The following ATOSB variants were observed in gnomAD, a reference collection of about 807,000 sequenced individuals.
ATOSB encodes atos homolog B, also known as atos homolog protein B.
the ATOSB span, chr9:35,105,279 T>C: frequency 6.2e-6 from 10 of 1,614,008 alleles, no homozygotes; most frequent in Non-Finnish European, 8.5e-6. This position sits in a 1 kb window ranked among gnomAD's most constrained non-coding sequence, Gnocchi z 5.5. Context: ...CTGCAGTTCG[T>C]AGGGGAGCCC....
chr9:35,105,021 A>G, the ATOSB span: 2 of 489,936 alleles, frequency 4.1e-6, no homozygotes, highest in African/African-American at 2.0e-5. This position sits in a 1 kb window ranked among gnomAD's most constrained non-coding sequence, Gnocchi z 5.5. Context: ...GGGAGGGGAC[A>G]GGCACATGGA....
chr9:35,106,484 C>T, the ATOSB span: 1 of 1,606,148 alleles, frequency 6.2e-7, no homozygotes, highest in Middle Eastern at 1.7e-4. This position sits in a 1 kb window ranked among gnomAD's most constrained non-coding sequence, Gnocchi z 4.6. Flanking sequence ...AGCCACATTC[C>T]ACCATCCCAC....
chr9:35,105,457 C>T, the ATOSB span: 1 of 1,501,128 alleles, frequency 6.7e-7, no homozygotes, highest in East Asian at 2.3e-5. The surrounding 1 kb of genome is among the most constrained non-coding windows in gnomAD (Gnocchi z 5.5). Context: ...TTTGGGAGAC[C>T]CAGGTGGGAG....
chr9:35,108,222 G>A, the ATOSB span: 2 of 1,586,356 alleles, frequency 1.3e-6, no homozygotes, highest in Non-Finnish European at 1.7e-6. Context: ...AGGCTGTGAA[G>A]GGCCAGCCTC....
At chr9:35,105,831 C>T in the ATOSB span, 1 of 1,614,152 alleles carries the variant, frequency 6.2e-7, no homozygotes, top group African/African-American at 1.3e-5. This position sits in a 1 kb window ranked among gnomAD's most constrained non-coding sequence, Gnocchi z 5.5. Flanking sequence ...ACATCTTTAC[C>T]ACAGTCTGGT....
At chr9:35,113,899 C>T in the ATOSB span, among the ~76,000 whole-genome samples, 3 of 152,230 alleles carry the variant, frequency 2.0e-5, no homozygotes, top group African/African-American at 4.8e-5. Flanking sequence ...AACAACAGGC[C>T]CTGGGCTGAG....
the ATOSB span, chr9:35,106,237 G>A: frequency 6.2e-7 from 1 of 1,613,042 alleles, no homozygotes; most frequent in Non-Finnish European, 8.5e-7. This position sits in a 1 kb window ranked among gnomAD's most constrained non-coding sequence, Gnocchi z 4.6. Flanking sequence ...CTTTGGGGTT[G>A]GAGTCAAGGC....
the ATOSB span, chr9:35,105,710 G>A: frequency 1.3e-5 from 21 of 1,613,866 alleles, no homozygotes; most frequent in South Asian, 4.4e-5. This position sits in a 1 kb window ranked among gnomAD's most constrained non-coding sequence, Gnocchi z 5.5. Flanking sequence ...CAGAGGAGGC[G>A]GTGGGTGGGG....
the ATOSB span, among the ~76,000 whole-genome samples, chr9:35,107,191 C>T: frequency 1.3e-5 from 2 of 151,786 alleles, no homozygotes; most frequent in East Asian, 1.9e-4. Flanking sequence ...GGTGCAATGT[C>T]ATGTGCCTGT....
the ATOSB span, among the ~76,000 whole-genome samples, chr9:35,112,789 G>A: frequency 6.6e-6 from 1 of 151,986 alleles, no homozygotes; most frequent in Admixed American, 6.6e-5. Flanking sequence ...CAGTTCAGAG[G>A]CCACAGAGAG....
chr9:35,106,958 A>T, the ATOSB span: 1 of 1,371,292 alleles, frequency 7.3e-7, no homozygotes, highest in Admixed American at 2.0e-5. This position sits in a 1 kb window ranked among gnomAD's most constrained non-coding sequence, Gnocchi z 4.6. Context: ...GCAGAAGCTC[A>T]TCACAAACTC....
the ATOSB span, chr9:35,106,905 T>G: frequency 6.4e-7 from 1 of 1,563,200 alleles, no homozygotes; most frequent in South Asian, 1.2e-5. This position sits in a 1 kb window ranked among gnomAD's most constrained non-coding sequence, Gnocchi z 4.6. Flanking sequence ...CGGAGAGAAA[T>G]GATTGGGAAA....
chr9:35,107,994 T>C, the ATOSB span: 2 of 1,589,552 alleles, frequency 1.3e-6, no homozygotes, highest in Non-Finnish European at 1.7e-6. Context: ...AGATGGTTCT[T>C]CAGGGGGTAG....
the ATOSB span, chr9:35,105,886 G>T: frequency 1.2e-6 from 2 of 1,613,836 alleles, no homozygotes; most frequent in Non-Finnish European, 1.7e-6. This position sits in a 1 kb window ranked among gnomAD's most constrained non-coding sequence, Gnocchi z 5.5. Context: ...AGGTTGGTAG[G>T]GCCTGAGGGC....
At chr9:35,108,333 G>C in the ATOSB span, 2 of 1,469,290 alleles carry the variant, frequency 1.4e-6, no homozygotes, top group Non-Finnish European at 1.8e-6. Flanking sequence ...GGCCTGGGCT[G>C]GGGGGCCTGG....
chr9:35,109,071 A>T, the ATOSB span: 3 of 152,190 alleles, frequency 2.0e-5, no homozygotes, highest in Non-Finnish European at 4.4e-5. Flanking sequence ...GTCAGCTGAG[A>T]GGCGGCCAGG....
the ATOSB span, chr9:35,116,308 T>A: frequency 2.6e-5 from 4 of 152,308 alleles, no homozygotes; most frequent in Admixed American, 2.6e-4. Context: ...TGATTGGCGG[T>A]GGCGGCCCCA....
At chr9:35,115,416 G>T in the ATOSB span, among the ~76,000 whole-genome samples, 2 of 151,894 alleles carry the variant, frequency 1.3e-5, no homozygotes. Flanking sequence ...AGTACTGGGG[G>T]TTCTGTTCTC....
the ATOSB span, chr9:35,116,017 T>C: frequency 3.6e-3 from 551 of 151,900 alleles, 3 homozygotes; most frequent in Non-Finnish European, 6.5e-3. Context: ...TCCTCCCCTG[T>C]AGCCCGGGCC....
Sources: gnomAD v4.1 joint callset for allele counts (sites outside exome capture counted in the v4.1 genomes callset) on GRCh38, gnomAD v4.1.1 for gene constraint, Gnocchi (gnomAD v3.1) non-coding constraint, MANE v1.5 for transcripts, NCBI Gene and HGNC (gene_info 2026-07-23, HGNC 2026-07-21) for gene names.